Variants in POGZ observed in about 807,000 individuals in gnomAD.
POGZ encodes the protein pogo transposable element derived with ZNF domain.
In POGZ, 17 loss-of-function variants were observed where a neutral mutation model predicts 134.6. The ratio of observed to expected loss-of-function variants is 0.13; its 90% confidence interval spans 0.09 to 0.19. The LOEUF is 0.19. Among genes scored for constraint, POGZ ranks in the 10% least tolerant of loss-of-function variants. The probability of loss-of-function intolerance (pLI) is 1.00; values close to 1 mark genes in which losing one functional copy is unlikely to be tolerated. For synonymous variants in POGZ, 693 were observed against 657.1 expected, an observed-to-expected ratio of 1.05 and a Z score of -0.84; for missense variants, 1,306 against 1,769.7, an observed-to-expected ratio of 0.74 and a Z score of 4.70.
In POGZ at chr1:151,442,217, A is replaced by C; in HGVS notation, c.-1-12T>G. ...CGGTGTCCGCCATGCTATAAGAAAA[A>C]CATTCAAATAAGATATGGGCCTAAG... is the stretch of plus-strand genomic sequence containing the variant. On this transcript the variant is annotated splice_polypyrimidine_tract_variant and intron_variant, in intron 1 of 18. Coordinates refer to ENST00000271715, the MANE Select transcript of POGZ (RefSeq NM_015100.4). The C allele has an allele frequency of 6.2e-7, 1 of 1,608,962 alleles. No homozygotes were observed. Among genetic ancestry groups the C allele is most frequent in the Non-Finnish European group, 8.5e-7 (1 of 1,178,140 alleles).
At chr1:151,446,291 T>C (rs982833824) in intron 1 of POGZ, among the ~76,000 whole-genome samples, 1 of 149,960 alleles carries the variant, frequency 6.7e-6, no homozygotes, top group Non-Finnish European at 1.5e-5. Context: ...TTATTCCCTC[T>C]TCCCTAATTT....
Position 151,411,948 on chromosome 1 carries a change from C to T in POGZ, c.1780-177G>A, listed in dbSNP as rs545241521. The T allele has an allele frequency of 6.6e-5, 38 of 575,972 alleles. 1 individual carries two copies. The South Asian group carries it at 9.6e-4, about 14-fold the overall frequency. The allele number at this position is 575,972 out of a possible 1,614,324, so 35.7% of individuals were successfully genotyped here. On this transcript the variant is annotated intron_variant, in intron 11 of 18. Transcript: ENST00000271715. ...TGGGCTATGTTTGTGATAGGTTTAG[C>T]TATTACTTTAAAAATAGGAAGGGAC... is the stretch of plus-strand genomic sequence containing the variant.
intron 1 of POGZ, among the ~76,000 whole-genome samples, chr1:151,453,789 G>A (rs538876049): frequency 4.6e-5 from 7 of 152,188 alleles, no homozygotes; most frequent in South Asian, 4.2e-4. Flanking sequence ...AAATGCTGGC[G>A]AATATGGTAG....
At chr1:151,450,797 C>G (rs530712607) in intron 1 of POGZ, 3 of 148,742 alleles carry the variant, frequency 2.0e-5, no homozygotes, top group South Asian at 4.1e-4. Context: ...AAATGGAAAC[C>G]TATTTCTATG....
At chr1:151,411,888 A>G (rs2102190729) in intron 11 of POGZ, 117 bp from the exon 12 acceptor site, 1 of 771,566 alleles carries the variant, frequency 1.3e-6, no homozygotes, top group African/African-American at 1.8e-5. Flanking sequence ...TCTCAAATGC[A>G]TAGAAATCAA....
chr1:151,444,076 T>A (rs1376240691), intron 1 of POGZ, among the ~76,000 whole-genome samples: 1 of 152,210 alleles, frequency 6.6e-6, no homozygotes, highest in Non-Finnish European at 1.5e-5. Flanking sequence ...AATCTTGCAG[T>A]GCCCCAGTGA....
chr1:151,427,713 G>A, intron 7 of POGZ, 110 bp downstream of exon 7: 1 of 760,602 alleles, frequency 1.3e-6, no homozygotes. Flanking sequence ...AACTACAGCA[G>A]CTGTATTTTA....
intron 1 of POGZ, among the ~76,000 whole-genome samples, chr1:151,453,235 G>T (rs77228926): frequency 6.6e-6 from 1 of 151,710 alleles, no homozygotes; most frequent in African/African-American, 2.4e-5. Flanking sequence ...CTCCCTTTTC[G>T]CATGCGTGAA....
intron 1 of POGZ, among the ~76,000 whole-genome samples, chr1:151,458,596 G>A (rs888450452): frequency 3.9e-4 from 58 of 148,582 alleles, no homozygotes; most frequent in Non-Finnish European, 6.4e-4. Flanking sequence ...ACCCCCAGGG[G>A]CCGCTCCGCC....
chr1:151,438,780 A>G (rs1345701289), intron 3 of POGZ, among the ~76,000 whole-genome samples: 1 of 151,982 alleles, frequency 6.6e-6, no homozygotes, highest in Non-Finnish European at 1.5e-5. Context: ...TGCGGGGCTG[A>G]GATGGCAGGA....
At chr1:151,442,738 A>T (rs2102374025) in intron 1 of POGZ, among the ~76,000 whole-genome samples, 1 of 147,268 alleles carries the variant, frequency 6.8e-6, no homozygotes, top group Admixed American at 6.8e-5. Context: ...AATTAGGATT[A>T]TAAAAGTTTA....
intron 7 of POGZ, 113 bp from the exon 8 acceptor site, chr1:151,425,174 A>T (rs1410203176): frequency 1.6e-6 from 1 of 632,026 alleles, no homozygotes; most frequent in African/African-American, 1.8e-5. Context: ...AGGGTAAGCA[A>T]GCATGAGAGA....
At chr1:151,409,526 G>A (rs1654297914) in intron 12 of POGZ, among the ~76,000 whole-genome samples, 2 of 152,122 alleles carry the variant, frequency 1.3e-5, no homozygotes, top group Non-Finnish European at 2.9e-5. Context: ...TTGTAGAGAC[G>A]GGGTGTCACC....
At chr1:151,418,427 G>C (rs543244834) in intron 10 of POGZ, among the ~76,000 whole-genome samples, 1 of 152,154 alleles carries the variant, frequency 6.6e-6, no homozygotes, top group South Asian at 2.1e-4. Context: ...GTGGTTACCA[G>C]AGGCTGGGAA....
In POGZ at chr1:151,427,957, T is replaced by C. The variant is rs748823295; in HGVS notation, c.944A>G (p.Asn315Ser). 8.7e-6 allele frequency: 14 copies of C among 1,614,150 alleles called. No homozygotes were observed. Among genetic ancestry groups the C allele is most frequent in the Non-Finnish European group, 4.2e-6 (5 of 1,180,012 alleles). ...KRPGVTGENS[N>S]EVAKLVNTLN... ...GGTATTCACCAATTTGGCCACTTCA[T>C]TGCTATTTTCGCCTGTAACACCAGG... Residue 315 changes from asparagine (N) to serine (S), a missense_variant, in exon 7 of 19, where the codon AAT becomes AGT. By Grantham distance (46) the Asn-to-Ser change is conservative. This residue lies in a region of POGZ where 541 missense variants were observed against 680.5 expected (regional missense o/e 0.80). Coordinates refer to ENST00000271715, the MANE Select transcript of POGZ (RefSeq NM_015100.4).
At chr1:151,444,049 G>C (rs770734188) in intron 1 of POGZ, among the ~76,000 whole-genome samples, 4 of 152,158 alleles carry the variant, frequency 2.6e-5, no homozygotes, top group Non-Finnish European at 5.9e-5. Context: ...GCATTGTTTC[G>C]CTTGAAAATT....
chr1:151,445,403 TC>T (rs1661120675), intron 1 of POGZ, among the ~76,000 whole-genome samples: 1 of 151,152 alleles, frequency 6.6e-6, no homozygotes, highest in Non-Finnish European at 1.5e-5. Context: ...ACGCCTGTAA[TC>T]CCAGTTACTC....
At chr1:151,423,231 A>G (rs1657235784) in intron 10 of POGZ, among the ~76,000 whole-genome samples, 166 bp downstream of exon 10, 1 of 149,822 alleles carries the variant, frequency 6.7e-6, no homozygotes, top group Non-Finnish European at 1.5e-5. Context: ...TCAGGCTTGT[A>G]AAAAAAAACA....
chr1:151,423,374 A>C (rs1235165902), intron 10 of POGZ, 23 bp downstream of exon 10: 1 of 1,605,698 alleles, frequency 6.2e-7, no homozygotes, highest in Non-Finnish European at 8.5e-7. Flanking sequence ...ATTCCCCTTG[A>C]GTTTAAGAGT....
Sources: gnomAD v4.1 joint callset for allele counts (sites outside exome capture counted in the v4.1 genomes callset) on GRCh38, gnomAD v4.1.1 for gene constraint, gnomAD v4.1.1 regional missense constraint, MANE v1.5 for transcripts, NCBI Gene and HGNC (gene_info 2026-07-23, HGNC 2026-07-21) for gene names.